The following FBXO8 variants were observed in gnomAD, a reference collection of about 807,000 sequenced individuals.
FBXO8 encodes the protein F-box only protein 8.
Under a neutral mutation model 33.4 loss-of-function variants are expected in FBXO8, and 15 were observed. The ratio of observed to expected loss-of-function variants is 0.45; its 90% CI spans 0.30 to 0.69. FBXO8 has a LOEUF of 0.69. FBXO8 is among the 30% of genes least tolerant of loss of function. The pLI, the probability that FBXO8 is intolerant of heterozygous loss-of-function variation, is 0.08. For synonymous variants in FBXO8, 132 were observed against 131.5 expected (o/e 1.00, Z -0.02); for missense variants, 274 against 380.3 (o/e 0.72, Z 2.32).
At chr4:174,266,580 A>G (rs1313905408) in intron 1 of FBXO8, among the ~76,000 whole-genome samples, 1 of 152,176 alleles carries the variant, frequency 6.6e-6, no homozygotes, top group Non-Finnish European at 1.5e-5. Context: ...AAAAGCTTTA[A>G]AACTCTCAAA....
At chr4:174,268,140 A>G (rs1736734666) in intron 1 of FBXO8, among the ~76,000 whole-genome samples, 1 of 152,224 alleles carries the variant, frequency 6.6e-6, no homozygotes, top group Admixed American at 6.5e-5. Flanking sequence ...CAAACACTGA[A>G]TTAGCAATAC....
In FBXO8 at chr4:174,241,239, T is replaced by G; in HGVS notation, c.457-21A>C. On this transcript the variant is annotated intron_variant, in intron 3 of 5. Coordinates refer to ENST00000393674, the MANE Select transcript of FBXO8 (RefSeq NM_012180.3). The surrounding 1 kb of genome is among the most constrained non-coding windows in gnomAD (Gnocchi z 4.2). ...ACTCCCTAAGGCAGAAAGACAAGTC[T>G]ACATAAATAAAATTGCTCTTTATTT... 4.9e-6 allele frequency: 7 copies of G among 1,422,214 alleles called. No individual in the cohort carries two copies. Among genetic ancestry groups the G allele is most frequent in the Non-Finnish European group, 6.8e-6 (7 of 1,024,036 alleles). The allele number at this position is 1,422,214 out of a possible 1,614,324, so 88.1% of individuals were successfully genotyped here. A position where few individuals can be genotyped will look rare whatever the true frequency, so the allele number is the denominator to read the frequency against.
intron 4 of FBXO8, among the ~76,000 whole-genome samples, chr4:174,239,722 C>T (rs1735983144): frequency 6.6e-6 from 1 of 151,530 alleles, no homozygotes; most frequent in South Asian, 2.1e-4. Flanking sequence ...CTAGATCCAC[C>T]TAATTTATTT....
At position 174,278,500 on chromosome 4, in the gene FBXO8, T is replaced by A. The variant is rs1347937304; in HGVS notation, c.-9+4910A>T. Among the ~76,000 whole-genome samples the A allele has an allele frequency of 6.6e-6, 1 of 152,144 alleles. No homozygotes were observed. On this transcript the variant is annotated intron_variant, in intron 1 of 5. Transcript: ENST00000393674. This position sits in a 1 kb window ranked among gnomAD's most constrained non-coding sequence, Gnocchi z 4.1. ...CTAAGAATTTTAGGCTTATTCAATT[T>A]CTGTGGTTTGTTTTTCAAGAAATGC...
In FBXO8 at chr4:174,259,260, G is replaced by A. The variant is rs920118797; in HGVS notation, c.456+439C>T. On this transcript the variant is annotated intron_variant, in intron 3 of 5. Coordinates refer to ENST00000393674, the MANE Select transcript of FBXO8 (RefSeq NM_012180.3). This position sits in a 1 kb window ranked among gnomAD's most constrained non-coding sequence, Gnocchi z 4.3. ...GTTAAAGGCATTATTTGAAGACAAC[G>A]TTTTGATTTGTCAGAAAATAGAACA... Among the ~76,000 whole-genome samples the A allele has an allele frequency of 6.6e-5, 10 of 151,928 alleles. No homozygotes were observed. The highest frequency in any genetic ancestry group is 1.9e-4 in the African/African-American group (8 of 41,412).
chr4:174,237,357 G>C lies in FBXO8; in HGVS notation c.*55C>G. 1.3e-6 allele frequency: 2 copies of C among 1,501,538 alleles called. No homozygotes were observed. The highest frequency in any genetic ancestry group is 1.8e-6 in the Non-Finnish European group (2 of 1,093,322). 93.0% of individuals were successfully genotyped at this position (1,501,538 alleles called of 1,614,324 possible). On this transcript the variant is annotated 3_prime_UTR_variant, in exon 6 of 6. Coordinates refer to ENST00000393674, the MANE Select transcript of FBXO8 (RefSeq NM_012180.3). This position sits in a 1 kb window ranked among gnomAD's most constrained non-coding sequence, Gnocchi z 4.4. ...CTGATGTAACCCCCATATCTGCTAA[G>C]TCCTTGGGTAGCTTTAGTCTGAAGT...
chr4:174,240,024 G>A (rs1735991313), intron 4 of FBXO8, among the ~76,000 whole-genome samples: 1 of 150,190 alleles, frequency 6.7e-6, no homozygotes, highest in Non-Finnish European at 1.5e-5. Context: ...CAGCTTATTA[G>A]AACACATCCA....
Position 174,259,905 on chromosome 4 carries a change from A to T in FBXO8, c.330-80T>A. On this transcript the variant is annotated intron_variant, in intron 2 of 5. Transcript: ENST00000393674. This position sits in a 1 kb window ranked among gnomAD's most constrained non-coding sequence, Gnocchi z 4.3. Reference sequence around the variant, plus strand: ...GTTAAATATGCATATACATGCAAAAATAGTAACATGAAATAAGATTGAATT... The same window carrying T: ...GTTAAATATGCATATACATGCAAAATTAGTAACATGAAATAAGATTGAATT... 1 of 1,323,772 alleles carries T rather than the reference A, an allele frequency of 7.6e-7. No homozygotes were observed. The highest frequency in any genetic ancestry group is 1.0e-6 in the Non-Finnish European group (1 of 976,878). 82.0% of individuals were successfully genotyped at this position (1,323,772 alleles called of 1,614,324 possible).
chr4:174,239,862 G>C (rs768061495), intron 4 of FBXO8, among the ~76,000 whole-genome samples: 51 of 151,568 alleles, frequency 3.4e-4, no homozygotes, highest in Non-Finnish European at 6.5e-4. Flanking sequence ...TTTCAATATA[G>C]AGTCACACTT....
chr4:174,255,790 G>A lies in FBXO8; in HGVS notation c.456+3909C>T, dbSNP rs1425081390. Among the ~76,000 whole-genome samples, 2 of 152,188 alleles carry A rather than the reference G, an allele frequency of 1.3e-5. No homozygotes were observed. The highest frequency in any genetic ancestry group is 3.9e-4 in the East Asian group (2 of 5,192). On this transcript the variant is annotated intron_variant, in intron 3 of 5. Coordinates refer to ENST00000393674, the MANE Select transcript of FBXO8 (RefSeq NM_012180.3). This position sits in a 1 kb window ranked among gnomAD's most constrained non-coding sequence, Gnocchi z 4.3. ...TGGAGCACAAGTAATATAGTTTACT[G>A]GTTGTTAAATAAAATTACTTCATTA...
rs1735914470 is a variant in FBXO8 at position 174,237,522 on chromosome 4, A to G, written c.850T>C (p.Ser284Pro). The G allele has an allele frequency of 1.2e-6, 2 of 1,613,622 alleles. No homozygotes were observed. ...LTSPHVKNKM[S>P]KREFIRNTRR... ...GTATTTCGAATAAATTCCCTTTTTG[A>G]CATTTTATTCTTCACATGAGGGCTA... Residue 284 changes from serine to proline, a missense_variant, in exon 6 of 6, where the codon TCA (serine) becomes CCA (proline). Ser to Pro is a moderately conservative substitution (Grantham distance 74). This residue lies in a region of FBXO8 where 186 missense variants were observed against 293.4 expected (regional missense o/e 0.63). Transcript: ENST00000393674. This position sits in a 1 kb window ranked among gnomAD's most constrained non-coding sequence, Gnocchi z 4.4.
intron 1 of FBXO8, among the ~76,000 whole-genome samples, chr4:174,273,608 G>A (rs2126447648): frequency 6.6e-6 from 1 of 152,296 alleles, no homozygotes; most frequent in Non-Finnish European, 1.5e-5. Flanking sequence ...GTGTGATGGT[G>A]TGATGTATGC....
At position 174,277,110 on chromosome 4, in the gene FBXO8, A is replaced by C. The variant is rs1050034289; in HGVS notation, c.-9+6300T>G. ...AAGCGCTTCCACTTAAAAGCAGTAC[A>C]AACTATGGATTAACTACAAATAATT... On this transcript the variant is annotated intron_variant, in intron 1 of 5. Transcript: ENST00000393674. The surrounding 1 kb of genome is among the most constrained non-coding windows in gnomAD (Gnocchi z 4.9). 6.6e-6 allele frequency among the ~76,000 whole-genome samples: 1 copy of C among 152,182 alleles called. No individual in the cohort carries two copies. Among genetic ancestry groups the C allele is most frequent in the Non-Finnish European group, 1.5e-5 (1 of 68,016 alleles).
intron 1 of FBXO8, among the ~76,000 whole-genome samples, chr4:174,271,707 G>C (rs1268376628): frequency 1.3e-5 from 2 of 152,108 alleles, no homozygotes; most frequent in Non-Finnish European, 2.9e-5. Context: ...TCAATGGAAG[G>C]AATATGGTGC....
chr4:174,243,247 A>G (rs1736082537), intron 3 of FBXO8, among the ~76,000 whole-genome samples: 1 of 151,414 alleles, frequency 6.6e-6, no homozygotes, highest in South Asian at 2.1e-4. Flanking sequence ...ACATAGAAGC[A>G]GTCATGAGCA....
Position 174,259,617 on chromosome 4 carries a change from C to T in FBXO8, c.456+82G>A. The T allele has an allele frequency of 1.3e-6, 2 of 1,511,912 alleles. No individual in the cohort carries two copies. Among genetic ancestry groups the T allele is most frequent in the Non-Finnish European group, 1.8e-6 (2 of 1,125,470 alleles). 93.7% of individuals were successfully genotyped at this position (1,511,912 alleles called of 1,614,324 possible). On this transcript the variant is annotated intron_variant, in intron 3 of 5. Coordinates refer to ENST00000393674, the MANE Select transcript of FBXO8 (RefSeq NM_012180.3). This position sits in a 1 kb window ranked among gnomAD's most constrained non-coding sequence, Gnocchi z 4.3. Reference sequence around the variant, plus strand: ...GCATGTTCAATGACTTTTTGTTTTCCCTGCTAGTTTATGATATTGGAAAGC... The same window carrying T: ...GCATGTTCAATGACTTTTTGTTTTCTCTGCTAGTTTATGATATTGGAAAGC...
Position 174,251,493 on chromosome 4 carries a change from T to C in FBXO8, c.456+8206A>G, listed in dbSNP as rs1004268154. Among the ~76,000 whole-genome samples, 5 of 152,084 alleles carry C rather than the reference T, an allele frequency of 3.3e-5. No individual in the cohort carries two copies. Among genetic ancestry groups the C allele is most frequent in the African/African-American group, 9.7e-5 (4 of 41,416 alleles). On this transcript the variant is annotated intron_variant, in intron 3 of 5. Coordinates refer to ENST00000393674, the MANE Select transcript of FBXO8 (RefSeq NM_012180.3). This position sits in a 1 kb window ranked among gnomAD's most constrained non-coding sequence, Gnocchi z 4.2. ...AAAGGAGGGTGGCTGGGATAGAGTA[T>C]GGTTAGGGTAAGGTGTAAACTAAAG...
At chr4:174,273,732 AG>A (rs1736891485) in intron 1 of FBXO8, among the ~76,000 whole-genome samples, 1 of 152,344 alleles carries the variant, frequency 6.6e-6, no homozygotes, top group Middle Eastern at 3.4e-3. Context: ...AAAGTATTCA[AG>A]GGTTATTTTT....
At chr4:174,279,074 G>C (rs1737015597) in intron 1 of FBXO8, among the ~76,000 whole-genome samples, 2 of 151,934 alleles carry the variant, frequency 1.3e-5, no homozygotes, top group South Asian at 4.2e-4. Context: ...AAGAAAAAAA[G>C]TAAAAGACAA....
Sources: gnomAD v4.1 joint callset for allele counts (sites outside exome capture counted in the v4.1 genomes callset) on GRCh38, gnomAD v4.1.1 for gene constraint, gnomAD v4.1.1 regional missense constraint, Gnocchi (gnomAD v3.1) non-coding constraint, MANE v1.5 for transcripts, NCBI Gene and HGNC (gene_info 2026-07-23, HGNC 2026-07-21) for gene names.